The following CAD variants were observed in gnomAD, a reference collection of about 807,000 sequenced individuals.
The protein encoded by CAD is carbamoyl-phosphate synthetase 2, aspartate transcarbamylase, and dihydroorotase.
In CAD, 81 loss-of-function variants were observed where a neutral mutation model predicts 237.2. The ratio of observed to expected loss-of-function variants is 0.34; its 90% confidence interval spans 0.29 to 0.41. The LOEUF is 0.41. Ranked by LOEUF, CAD falls within the 10% of genes least tolerant of loss-of-function variation. The probability of loss-of-function intolerance (pLI) is 1.00; values close to 1 mark genes in which losing one functional copy is unlikely to be tolerated. For missense variants in CAD, 2,181 were observed against 2,951.7 expected (o/e 0.74, Z 6.05); for synonymous variants, 1,196 against 1,162.8 (o/e 1.03, Z -0.58).
In CAD at chr2:27,235,710, A is replaced by C. The variant is rs1366055992; in HGVS notation, c.4074+70A>C. On this transcript the variant is annotated intron_variant, in intron 25 of 43. Transcript: ENST00000264705. This position sits in a 1 kb window ranked among gnomAD's most constrained non-coding sequence, Gnocchi z 5.2. Reference sequence around the variant, plus strand: ...GGGGGTGAAAATACTGCACCAAAGAATTATCTGGGCTGGGCACGGTGGCAT... The same window carrying C: ...GGGGGTGAAAATACTGCACCAAAGACTTATCTGGGCTGGGCACGGTGGCAT... 2 of 1,334,792 alleles carry C rather than the reference A, an allele frequency of 1.5e-6. No individual in the cohort carries two copies. Among genetic ancestry groups the C allele is most frequent in the East Asian group, 4.7e-5 (2 of 42,840 alleles). The allele number at this position is 1,334,792 out of a possible 1,614,324, so 82.7% of individuals were successfully genotyped here.
At position 27,233,362 on chromosome 2, in the gene CAD, C is replaced by G. The variant is rs774242982; in HGVS notation, c.3042C>G (p.Ser1014=). 2 of 1,614,234 alleles carry G rather than the reference C, an allele frequency of 1.2e-6. No individual in the cohort carries two copies. The highest frequency in any genetic ancestry group is 4.5e-5 in the East Asian group (2 of 44,888). ...ELENPEGVIL[S]MGGQLPNNMA... Reference sequence around the variant, plus strand: ...AGAACCCTGAAGGTGTGATCCTATCCATGGGTGGACAGCTGCCCAACAACA... The same window carrying G: ...AGAACCCTGAAGGTGTGATCCTATCGATGGGTGGACAGCTGCCCAACAACA... The change falls in exon 20 of 44, where the codon TCC becomes TCG. Residue 1014 remains serine (S), a synonymous_variant. Transcript: ENST00000264705. The surrounding 1 kb of genome is among the most constrained non-coding windows in gnomAD (Gnocchi z 6.3).
Position 27,233,070 on chromosome 2 carries a change from A to G in CAD, c.2921A>G (p.Tyr974Cys). ...GGATATAAGACCATCATGGTGAACTATAACCCAGAGACAGTCAGCACCGAC... is the reference window on the plus strand; with the variant it reads ...GGATATAAGACCATCATGGTGAACTGTAACCCAGAGACAGTCAGCACCGAC... ...KMGYKTIMVNYNPETVSTDYD... is the reference protein window; with the variant it reads ...KMGYKTIMVNCNPETVSTDYD... Residue 974 changes from tyrosine to cysteine, a missense_variant, in exon 19 of 44, where the codon TAT becomes TGT. Physicochemically the swap from Tyr to Cys is radical, Grantham distance 194. Transcript: ENST00000264705. This position sits in a 1 kb window ranked among gnomAD's most constrained non-coding sequence, Gnocchi z 6.3. 2 of 1,613,324 alleles carry G rather than the reference A, an allele frequency of 1.2e-6. No homozygotes were observed. Among genetic ancestry groups the G allele is most frequent in the Non-Finnish European group, 1.7e-6 (2 of 1,179,222 alleles).
chr2:27,224,475 C>T lies in CAD; in HGVS notation c.1239C>T (p.Asp413=), dbSNP rs966178992. The change falls in exon 9 of 44, where the codon GAC becomes GAT. Residue 413 remains aspartate, a synonymous_variant. Coordinates refer to ENST00000264705, the MANE Select transcript of CAD (RefSeq NM_004341.5). ...CCATTGGCCAAGCTGGAGAATTTGACTACTCGGGCTCTCAGGTGAGGCATG... is the reference window on the plus strand; with the variant it reads ...CCATTGGCCAAGCTGGAGAATTTGATTACTCGGGCTCTCAGGTGAGGCATG... ...GLSIGQAGEF[D]YSGSQAIKAL... is the part of the protein sequence containing the mutation. 1.2e-6 allele frequency: 2 copies of T among 1,614,002 alleles called. No individual in the cohort carries two copies. Among genetic ancestry groups the T allele is most frequent in the African/African-American group, 2.7e-5 (2 of 74,920 alleles).
At chr2:27,217,663 T>TA (rs760121142) in intron 1 of CAD, 30 bp downstream of exon 1, 1 of 1,561,806 alleles carries the variant, frequency 6.4e-7, no homozygotes, top group Non-Finnish European at 8.7e-7. Context: ...CTGCAGACCT[T>TA]ATCCCACTCT....
Position 27,237,357 on chromosome 2 carries a change from T to C in CAD, c.4397-22T>C. The C allele has an allele frequency of 6.2e-7, 1 of 1,612,452 alleles. No homozygotes were observed. Among genetic ancestry groups the C allele is most frequent in the Non-Finnish European group, 8.5e-7 (1 of 1,178,668 alleles). ...CTATTTCTGAATCTTCCTGTAATCTTGCTGCTTCCATTTTCTCCCAGGATT... is the reference window on the plus strand; with the variant it reads ...CTATTTCTGAATCTTCCTGTAATCTCGCTGCTTCCATTTTCTCCCAGGATT... On this transcript the variant is annotated intron_variant, in intron 27 of 43. Coordinates refer to ENST00000264705, the MANE Select transcript of CAD (RefSeq NM_004341.5). This position sits in a 1 kb window ranked among gnomAD's most constrained non-coding sequence, Gnocchi z 4.0.
rs1393933776 is a variant in CAD at position 27,233,698 on chromosome 2, G to T, written c.3289G>T (p.Ala1097Ser). The T allele has an allele frequency of 6.2e-7, 1 of 1,614,190 alleles. No individual in the cohort carries two copies. Among genetic ancestry groups the T allele is most frequent in the South Asian group, 1.1e-5 (1 of 91,084 alleles). ...CCCCTCCTATGTGCTGAGCGGTGCT[G>T]CTATGAATGTGGCCTACACGGATGG... Reference protein sequence around the residue: ...VRPSYVLSGAAMNVAYTDGDL... With the variant: ...VRPSYVLSGASMNVAYTDGDL... Residue 1097 changes from alanine (A) to serine (S), a missense_variant, in exon 21 of 44, where the codon GCT becomes TCT. Ala to Ser is a moderately conservative substitution (Grantham distance 99). Coordinates refer to ENST00000264705, the MANE Select transcript of CAD (RefSeq NM_004341.5). This position sits in a 1 kb window ranked among gnomAD's most constrained non-coding sequence, Gnocchi z 6.3.
chr2:27,241,237 G>A lies in CAD; in HGVS notation c.5808+10G>A, dbSNP rs553836329. The A allele has an allele frequency of 6.8e-6, 11 of 1,612,468 alleles. No homozygotes were observed. In the Admixed American group the frequency reaches 1.7e-4, roughly 25 times the overall value. On this transcript the variant is annotated intron_variant, in intron 37 of 43. Transcript: ENST00000264705. This position sits in a 1 kb window ranked among gnomAD's most constrained non-coding sequence, Gnocchi z 4.6. ...GTTCACCAAGGATCAGGTGCCTGGG[G>A]CAGGGAGGATGGGACCACCCAGAGC...
chr2:27,224,662 A>G, intron 9 of CAD, 83 bp from the exon 10 acceptor site: 2 of 1,574,084 alleles, frequency 1.3e-6, no homozygotes, highest in Non-Finnish European at 1.7e-6. Context: ...ACAGGGAGGG[A>G]AAGAAGAGGA....
rs184916078 is a variant in CAD at position 27,237,394 on chromosome 2, A to C, written c.4412A>C (p.His1471Pro). ...LVRLPGLIDVHVHLREPGGTH... is the reference protein window; with the variant it reads ...LVRLPGLIDVPVHLREPGGTH... Reference sequence around the variant, plus strand: ...TTTCTCCCAGGATTGATTGATGTCCATGTGCACCTGCGGGAACCAGGTGGG... The same window carrying C: ...TTTCTCCCAGGATTGATTGATGTCCCTGTGCACCTGCGGGAACCAGGTGGG... The change falls in exon 28 of 44, where the codon CAT (histidine) becomes CCT (proline). Residue 1471 changes from histidine (H) to proline (P), a missense_variant. Coordinates refer to ENST00000264705, the MANE Select transcript of CAD (RefSeq NM_004341.5). This position sits in a 1 kb window ranked among gnomAD's most constrained non-coding sequence, Gnocchi z 4.0. 1 of 1,614,122 alleles carries C rather than the reference A, an allele frequency of 6.2e-7. No homozygotes were observed. Among genetic ancestry groups the C allele is most frequent in the Admixed American group, 1.7e-5 (1 of 60,026 alleles).
At position 27,240,938 on chromosome 2, in the gene CAD, G is replaced by A. The variant is rs769172307; in HGVS notation, c.5621G>A (p.Arg1874Gln). ...PAEEPKEKSSRKVAEPELMGT... is the reference protein window; with the variant it reads ...PAEEPKEKSSQKVAEPELMGT... ...GAGGAGCCAAAGGAGAAGTCCTCTC[G>A]GAAGGTAGCCGAGCCAGGTGAGACT... is the stretch of plus-strand genomic sequence containing the variant. The change falls in exon 36 of 44, where the codon CGG (arginine) becomes CAG (glutamine). Residue 1874 changes from arginine (R) to glutamine (Q), a missense_variant. Physicochemically the swap from Arg to Gln is conservative, Grantham distance 43. Transcript: ENST00000264705. This position sits in a 1 kb window ranked among gnomAD's most constrained non-coding sequence, Gnocchi z 4.6. 1.2e-6 allele frequency: 2 copies of A among 1,614,090 alleles called. No individual in the cohort carries two copies. Among genetic ancestry groups the A allele is most frequent in the Non-Finnish European group, 1.7e-6 (2 of 1,180,000 alleles).
Position 27,224,845 on chromosome 2 carries a change from T to G in CAD, c.1355T>G (p.Phe452Cys). 6.2e-7 allele frequency: 1 copy of G among 1,614,220 alleles called. No homozygotes were observed. The highest frequency in any genetic ancestry group is 8.5e-7 in the Non-Finnish European group (1 of 1,180,038). ...TSQGLADKVY[F>C]LPITPHYVTQ... ...CAGGGGCTGGCCGACAAGGTCTATT[T>G]TCTTCCCATAACACCTCATTATGTA... Residue 452 changes from phenylalanine (F) to cysteine (C), a missense_variant, in exon 10 of 44, where the codon TTT becomes TGT. Phe to Cys is a radical substitution (Grantham distance 205). This residue lies in a region of CAD where 174 missense variants were observed against 215.8 expected (regional missense o/e 0.81). Coordinates refer to ENST00000264705, the MANE Select transcript of CAD (RefSeq NM_004341.5).
In CAD at chr2:27,238,863, G is replaced by A. The variant is rs1255745932; in HGVS notation, c.5063-179G>A. On this transcript the variant is annotated intron_variant, in intron 31 of 43. Coordinates refer to ENST00000264705, the MANE Select transcript of CAD (RefSeq NM_004341.5). ...CAAGTGAAAGAATACATGGGTAAAAGTGTGGGCTCCAGAAGATGGCAGCAG... is the reference window on the plus strand; with the variant it reads ...CAAGTGAAAGAATACATGGGTAAAAATGTGGGCTCCAGAAGATGGCAGCAG... 9.2e-5 allele frequency among the ~76,000 whole-genome samples: 14 copies of A among 152,366 alleles called. No homozygotes were observed. The South Asian group carries it at 2.9e-3, about 32-fold the overall frequency.
rs1366055992 is a variant in CAD, at chr2:27,235,710, A to G, written c.4074+70A>G. The G allele has an allele frequency of 2.2e-5, 29 of 1,334,674 alleles. No homozygotes were observed. In the East Asian group the frequency reaches 6.5e-4, roughly 30 times the overall value. 82.7% of individuals were successfully genotyped at this position (1,334,674 alleles called of 1,614,324 possible). A position where few individuals can be genotyped will look rare whatever the true frequency, so the allele number is the denominator to read the frequency against. The stretch of plus-strand genomic sequence containing the variant: ...GGGGGTGAAAATACTGCACCAAAGA[A>G]TTATCTGGGCTGGGCACGGTGGCAT... On this transcript the variant is annotated intron_variant, in intron 25 of 43. Coordinates refer to ENST00000264705, the MANE Select transcript of CAD (RefSeq NM_004341.5). This position sits in a 1 kb window ranked among gnomAD's most constrained non-coding sequence, Gnocchi z 5.2.
In CAD at chr2:27,243,039, A is replaced by C. The variant is rs530085430; in HGVS notation, c.6480+66A>C. 8 of 1,423,378 alleles carry C rather than the reference A, an allele frequency of 5.6e-6. No homozygotes were observed. The South Asian group carries it at 1.0e-4, about 18-fold the overall frequency. The allele number at this position is 1,423,378 out of a possible 1,614,324, so 88.2% of individuals were successfully genotyped here. A position where few individuals can be genotyped will look rare whatever the true frequency, so the allele number is the denominator to read the frequency against. ...TAGGGCATCAGATATGAGGACAGAA[A>C]GGCTGGGCTGAGGGCTGGGTCAGAG... On this transcript the variant is annotated intron_variant, in intron 42 of 43. Transcript: ENST00000264705.
Position 27,224,995 on chromosome 2 carries a change from C to T in CAD, c.1387-15C>T, listed in dbSNP as rs1191873536. Reference sequence around the variant, plus strand: ...ACAAGGTTCTGATGCCTGTAACTCCCCTCTCCATCCTCAGGTGATACGTAA... The same window carrying T: ...ACAAGGTTCTGATGCCTGTAACTCCTCTCTCCATCCTCAGGTGATACGTAA... On this transcript the variant is annotated splice_polypyrimidine_tract_variant and intron_variant, in intron 10 of 43. Transcript: ENST00000264705. The T allele has an allele frequency of 1.9e-6, 3 of 1,606,714 alleles. No individual in the cohort carries two copies. In the African/African-American group the frequency reaches 4.0e-5, roughly 21 times the overall value.
intron 9 of CAD, 51 bp from the exon 10 acceptor site, chr2:27,224,694 T>G (rs369732907): frequency 1.2e-6 from 2 of 1,612,744 alleles, no homozygotes; most frequent in Admixed American, 3.3e-5. Context: ...TAAGGCTGTT[T>G]GCAATTTTGC....
At position 27,240,169 on chromosome 2, in the gene CAD, A is replaced by G; in HGVS notation, c.5497-96A>G. 2 of 973,262 alleles carry G rather than the reference A, an allele frequency of 2.1e-6. No homozygotes were observed. The highest frequency in any genetic ancestry group is 1.7e-5 in the African/African-American group (1 of 60,508). The allele number at this position is 973,262 out of a possible 1,614,324, so 60.3% of individuals were successfully genotyped here. A position where few individuals can be genotyped will look rare whatever the true frequency, so the allele number is the denominator to read the frequency against. The stretch of plus-strand genomic sequence containing the variant: ...GGCAGGAGAATTGCTTGAACCCAGA[A>G]GGTCACGCCACTGCACTCCAGCCTG... On this transcript the variant is annotated intron_variant, in intron 34 of 43. Transcript: ENST00000264705. The surrounding 1 kb of genome is among the most constrained non-coding windows in gnomAD (Gnocchi z 4.6).
Position 27,236,372 on chromosome 2 carries a change from A to G in CAD, c.4163A>G (p.Asn1388Ser). ...RSILEQLAEK[N>S]FELVINLSMR... ...ATCCTGGAGCAGCTAGCTGAGAAAA[A>G]CTTTGAGCTGGTGATTAACCTGTCA... The change falls in exon 26 of 44, where the codon AAC (asparagine) becomes AGC (serine). Residue 1388 changes from asparagine to serine, a missense_variant. Around this residue, in one of 12 missense-constraint regions of CAD, gnomAD observed 306 missense variants for 607.9 expected, o/e 0.50. Coordinates refer to ENST00000264705, the MANE Select transcript of CAD (RefSeq NM_004341.5). This position sits in a 1 kb window ranked among gnomAD's most constrained non-coding sequence, Gnocchi z 4.1. 6.2e-7 allele frequency: 1 copy of G among 1,614,118 alleles called. No individual in the cohort carries two copies. The highest frequency in any genetic ancestry group is 2.2e-5 in the East Asian group (1 of 44,874).
In CAD at chr2:27,237,785, C is replaced by A. The variant is rs373079827; in HGVS notation, c.4631C>A (p.Thr1544Asn). 3.7e-6 allele frequency: 6 copies of A among 1,614,238 alleles called. No homozygotes were observed. Among genetic ancestry groups the A allele is most frequent in the Non-Finnish European group, 5.1e-6 (6 of 1,180,038 alleles). Reference sequence around the variant, plus strand: ...GGGGCCTCGTCTGAAAATGCAGGAACCTTGGGCACCGTGGCCGGGTCTGCA... The same window carrying A: ...GGGGCCTCGTCTGAAAATGCAGGAAACTTGGGCACCGTGGCCGGGTCTGCA... ...FLGASSENAG[T>N]LGTVAGSAAG... The change falls in exon 29 of 44, where the codon ACC becomes AAC. Residue 1544 changes from threonine to asparagine, a missense_variant. Transcript: ENST00000264705. This position sits in a 1 kb window ranked among gnomAD's most constrained non-coding sequence, Gnocchi z 4.0.
Sources: allele counts gnomAD v4.1 joint callset (sites outside exome capture counted in the v4.1 genomes callset), GRCh38; gene constraint gnomAD v4.1.1; regional missense constraint gnomAD v4.1.1; non-coding constraint Gnocchi (gnomAD v3.1); transcripts MANE v1.5; gene names NCBI Gene and HGNC (gene_info 2026-07-23, HGNC 2026-07-21).